The following ATP8A2 variants were observed in gnomAD, a reference collection of about 807,000 sequenced individuals.
ATP8A2 encodes the protein ATPase phospholipid transporting 8A2.
ATP8A2 carries 100 observed loss-of-function variants against 165.6 expected under a neutral mutation model. The ratio of observed to expected loss-of-function variants is 0.60; its 90% CI spans 0.51 to 0.71. ATP8A2 has a LOEUF of 0.71. Among genes scored for constraint, ATP8A2 ranks in the 30% least tolerant of loss-of-function variants. The pLI is 0.00. For synonymous variants in ATP8A2, 543 were observed against 548.8 expected, an observed-to-expected ratio of 0.99 and a Z score of 0.15; for missense variants, 1,227 against 1,479.5, an observed-to-expected ratio of 0.83 and a Z score of 2.80.
At chr13:25,414,186 GTTTTTTTTTTTTTT>G in intron 1 of ATP8A2, among the ~76,000 whole-genome samples, 1 of 119,092 alleles carries the variant, frequency 8.4e-6, no homozygotes, top group African/African-American at 3.1e-5. Context: ...GGGCTGTGGT[GTTTTTTTTTTTTTT>G]TTTTTTTTGA....
At chr13:25,946,727 G>A (rs1179848344) in intron 33 of ATP8A2, among the ~76,000 whole-genome samples, 1 of 139,986 alleles carries the variant, frequency 7.1e-6, no homozygotes, top group South Asian at 2.5e-4. Context: ...CAAATGTATT[G>A]TGAAAATGTT....
chr13:25,715,347 A>G (rs1018706894), intron 25 of ATP8A2, among the ~76,000 whole-genome samples: 4 of 152,238 alleles, frequency 2.6e-5, no homozygotes, highest in African/African-American at 9.6e-5. Context: ...TTATTGAAAT[A>G]TTAGCATACC....
intron 24 of ATP8A2, among the ~76,000 whole-genome samples, chr13:25,654,985 G>GAA (rs2041896217): frequency 6.6e-6 from 1 of 152,150 alleles, no homozygotes; most frequent in Non-Finnish European, 1.5e-5. Flanking sequence ...GGGTGATGTG[G>GAA]ACAGGTGGAA....
At chr13:25,381,597 T>A (rs149073862) in intron 1 of ATP8A2, among the ~76,000 whole-genome samples, 187 of 152,360 alleles carry the variant, frequency 1.2e-3, no homozygotes, top group Admixed American at 2.1e-3. Context: ...AACACAGTGA[T>A]GGCAACCAAG....
At chr13:25,984,187 TG>T (rs1358693591) in intron 35 of ATP8A2, among the ~76,000 whole-genome samples, 16 of 151,094 alleles carry the variant, frequency 1.1e-4, no homozygotes, top group African/African-American at 3.6e-4. Flanking sequence ...CAGTGAGCTG[TG>T]ATCGCACCAC....
At chr13:25,851,759 C>A (rs1952014220) in intron 30 of ATP8A2, among the ~76,000 whole-genome samples, 1 of 152,150 alleles carries the variant, frequency 6.6e-6, no homozygotes, top group South Asian at 2.1e-4. Context: ...CCTGAATGAT[C>A]CAAGAGTTTG....
intron 27 of ATP8A2, among the ~76,000 whole-genome samples, chr13:25,797,906 T>C (rs1243532692): frequency 1.3e-5 from 2 of 152,206 alleles, no homozygotes; most frequent in Non-Finnish European, 2.9e-5. Flanking sequence ...TGATTCCGTT[T>C]GGACTGTGAA....
chr13:25,581,507 G>C (rs1199067559), intron 22 of ATP8A2, among the ~76,000 whole-genome samples: 2 of 152,130 alleles, frequency 1.3e-5, no homozygotes, highest in African/African-American at 4.8e-5. Context: ...GAGAGGAAGG[G>C]CTCAGGTACT....
At chr13:25,555,693 G>A (rs1446696831) in intron 13 of ATP8A2, among the ~76,000 whole-genome samples, 1 of 151,910 alleles carries the variant, frequency 6.6e-6, no homozygotes, top group African/African-American at 2.4e-5. Flanking sequence ...GGTATATTAT[G>A]TGGTGCTGAG....
chr13:25,770,207 A>C (rs2044589283), intron 26 of ATP8A2, among the ~76,000 whole-genome samples: 2 of 152,268 alleles, frequency 1.3e-5, no homozygotes, highest in South Asian at 4.1e-4. Context: ...GGACTAGACT[A>C]ACATTAGCCA....
intron 27 of ATP8A2, among the ~76,000 whole-genome samples, chr13:25,781,660 T>C (rs1378253247): frequency 1.3e-5 from 2 of 152,030 alleles, no homozygotes; most frequent in African/African-American, 4.8e-5. Flanking sequence ...AGCTAATATT[T>C]TTTGTATTTT....
At chr13:25,836,243 C>A (rs1951601806) in intron 28 of ATP8A2, among the ~76,000 whole-genome samples, 1 of 152,136 alleles carries the variant, frequency 6.6e-6, no homozygotes. Flanking sequence ...AGTTTGATGA[C>A]ACAGCTCTTA....
intron 35 of ATP8A2, among the ~76,000 whole-genome samples, chr13:25,983,216 A>T (rs780448458): frequency 6.6e-6 from 1 of 152,210 alleles, no homozygotes; most frequent in African/African-American, 2.4e-5. Context: ...ATAATTTTAC[A>T]TTCCTAAAAC....
Position 25,396,544 on chromosome 13 carries a change from C to A in ATP8A2, c.76+24256C>A, listed in dbSNP as rs181542403. Among the ~76,000 whole-genome samples the A allele has an allele frequency of 1.3e-3, 193 of 152,184 alleles. 3 individuals carry two copies. The highest frequency in any genetic ancestry group is 0.013 in the East Asian group (65 of 5,162). ...TTTTAGGGTATTGTTTTCTCAGTCC[C>A]AGCCGGCTTCTGTCCTGGCTCTTAC... On this transcript the variant is annotated intron_variant, in intron 1 of 36. Transcript: ENST00000381655.
chr13:25,673,665 C>T (rs1217787979), intron 24 of ATP8A2, among the ~76,000 whole-genome samples: 2 of 152,110 alleles, frequency 1.3e-5, no homozygotes, highest in Non-Finnish European at 2.9e-5. Context: ...TCATAATCTT[C>T]CATATATCCC....
At chr13:25,860,670 G>T in intron 31 of ATP8A2, 134 bp from the exon 32 acceptor site, 2 of 682,078 alleles carry the variant, frequency 2.9e-6, no homozygotes, top group Non-Finnish European at 5.3e-6. Context: ...ATTAGCTACT[G>T]ACATGGCTGG....
In ATP8A2 at chr13:25,372,933, C is replaced by A. The variant is rs1050117527; in HGVS notation, c.76+645C>A. ...CGTACACACGCACGCGTACACATAC[C>A]CTGCCTGCAGGCGCCTGGGTGTTGG... On this transcript the variant is annotated intron_variant, in intron 1 of 36. Coordinates refer to ENST00000381655, the MANE Select transcript of ATP8A2 (RefSeq NM_016529.6). This position sits in a 1 kb window ranked among gnomAD's most constrained non-coding sequence, Gnocchi z 4.8. 5.3e-5 allele frequency among the ~76,000 whole-genome samples: 8 copies of A among 152,194 alleles called. No individual in the cohort carries two copies. The highest frequency in any genetic ancestry group is 3.3e-4 in the Admixed American group (5 of 15,288).
At chr13:25,610,883 C>T (rs1218688066) in intron 24 of ATP8A2, among the ~76,000 whole-genome samples, 18 of 120,662 alleles carry the variant, frequency 1.5e-4, no homozygotes, top group East Asian at 7.2e-4. Flanking sequence ...AGGTATATTC[C>T]TTTTTTTTTT....
At chr13:25,851,307 T>A (rs1952001077) in intron 30 of ATP8A2, among the ~76,000 whole-genome samples, 1 of 152,194 alleles carries the variant, frequency 6.6e-6, no homozygotes, top group African/African-American at 2.4e-5. Flanking sequence ...GTCAGCCGGA[T>A]GCCGTGGCTC....
Sources: allele counts gnomAD v4.1 joint callset (sites outside exome capture counted in the v4.1 genomes callset), GRCh38; gene constraint gnomAD v4.1.1; non-coding constraint Gnocchi (gnomAD v3.1); transcripts MANE v1.5; gene names NCBI Gene and HGNC (gene_info 2026-07-23, HGNC 2026-07-21).